Variants in ABCA9 observed in about 807,000 individuals in gnomAD.
The protein encoded by ABCA9 is ATP-binding cassette sub-family A member 9.
A neutral mutation model predicts 205.3 loss-of-function variants in ABCA9; 183 were observed. The ratio of observed to expected loss-of-function variants is 0.89; its 90% CI spans 0.79 to 1.01. The LOEUF is 1.01. Ranked by LOEUF, ABCA9 falls within the 50% of genes least tolerant of loss-of-function variation. ABCA9 has a pLI of 0.00. For missense variants in ABCA9, 1,805 were observed against 1,912.4 expected (o/e 0.94, Z 1.05); for synonymous variants, 651 against 683.3 (o/e 0.95, Z 0.74).
chr17:69,006,557 T>A (rs1393480324), intron 25 of ABCA9, among the ~76,000 whole-genome samples: 3 of 152,242 alleles, frequency 2.0e-5, no homozygotes, highest in Admixed American at 6.5e-5. Flanking sequence ...TTCTACATGA[T>A]TCCATTTTTA....
intron 1 of ABCA9, among the ~76,000 whole-genome samples, chr17:69,052,378 A>G (rs1378832452): frequency 6.6e-6 from 1 of 152,176 alleles, no homozygotes; most frequent in Non-Finnish European, 1.5e-5. Context: ...CTGTCTCAAA[A>G]ACAAATAGAA....
Position 69,008,229 on chromosome 17 carries a change from C to CT in ABCA9, c.3153dup (p.Ala1052SerfsTer42), listed in dbSNP as rs775058588. On this transcript the variant is annotated frameshift_variant, in exon 24 of 39. Transcript: ENST00000340001. LOFTEE classifies it high-confidence loss of function. ...CCTGAAATCCGTAGCTGGGAATGAG[C>CT]TTTTTTCTGATAAAGAAATAGAAGA... 1.7e-5 allele frequency: 27 copies of CT among 1,611,386 alleles called. No individual in the cohort carries two copies. Among genetic ancestry groups the CT allele is most frequent in the South Asian group, 2.2e-5 (2 of 90,314 alleles).
At position 69,051,091 on chromosome 17, in the gene ABCA9, T is replaced by A; in HGVS notation, c.36A>T (p.Thr12=). 5 of 1,613,760 alleles carry A rather than the reference T, an allele frequency of 3.1e-6. No homozygotes were observed. Among genetic ancestry groups the A allele is most frequent in the South Asian group, 1.1e-5 (1 of 91,050 alleles). The change falls in exon 2 of 39, where the codon ACA becomes ACT. Residue 12 remains threonine (T), a synonymous_variant. Coordinates refer to ENST00000340001, the MANE Select transcript of ABCA9 (RefSeq NM_080283.4). ...GACAGTTCTTGCAGAGAAGAGCCCA[T>A]GTTTGCTGACCCACGCTCATGCGTC... The part of the protein sequence containing the change: ...SKRRMSVGQQ[T]WALLCKNCLK...
At chr17:69,062,887 A>G (rs1301012701), upstream of ABCA9, among the ~76,000 whole-genome samples, 1 of 150,212 alleles carries the variant, frequency 6.7e-6, no homozygotes, top group Non-Finnish European at 1.5e-5. Flanking sequence ...CAAAAATGAA[A>G]TGACACTGAT....
chr17:69,077,089 G>A, the ABCA9 span, among the ~76,000 whole-genome samples: 1 of 151,886 alleles, frequency 6.6e-6, no homozygotes, highest in Non-Finnish European at 1.5e-5. Flanking sequence ...AGTTCCACCA[G>A]GTGTTATGTT....
chr17:68,989,835 A>G lies in ABCA9; in HGVS notation c.3933T>C (p.Asn1311=), dbSNP rs1306668184. 1 of 1,601,730 alleles carries G rather than the reference A, an allele frequency of 6.2e-7. No individual in the cohort carries two copies. The highest frequency in any genetic ancestry group is 8.6e-7 in the Non-Finnish European group (1 of 1,169,098). The change falls in exon 30 of 39, where the codon AAT becomes AAC. Residue 1311 remains asparagine, a synonymous_variant. Transcript: ENST00000340001. ...SKRKKKIATR[N]VSFCVKKGEV... The stretch of plus-strand genomic sequence containing the variant: ...AACCTTTTTTAACACAAAAAGAGAC[A>G]TTTCTTGTGGCAATTTTTTTCTTCC...
At chr17:69,057,427 AAGAG>A (rs147825600) in intron 1 of ABCA9, among the ~76,000 whole-genome samples, 3 of 151,396 alleles carry the variant, frequency 2.0e-5, no homozygotes. Context: ...ACAAGAGTGA[AAGAG>A]AGAGAGAGAG....
intron 25 of ABCA9, among the ~76,000 whole-genome samples, chr17:68,999,158 G>A (rs1440593117): frequency 6.7e-6 from 1 of 150,000 alleles, no homozygotes; most frequent in East Asian, 1.9e-4. Context: ...TAAGTTTTAG[G>A]GTACATGTGC....
rs183911235 is a variant in ABCA9, at chr17:69,040,870, A to G, written c.800+2619T>C. On this transcript the variant is annotated intron_variant, in intron 6 of 38. Transcript: ENST00000340001. Reference sequence around the variant, plus strand: ...TACAGACATATAGACGAATATGAAGATATCTTTTCCCTTACTATCAATGCC... The same window carrying G: ...TACAGACATATAGACGAATATGAAGGTATCTTTTCCCTTACTATCAATGCC... Among the ~76,000 whole-genome samples, 6 of 152,324 alleles carry G rather than the reference A, an allele frequency of 3.9e-5. 1 individual carries two copies. The highest frequency in any genetic ancestry group is 3.3e-4 in the Admixed American group (5 of 15,288).
chr17:69,039,086 A>C (rs913881163), intron 6 of ABCA9, among the ~76,000 whole-genome samples: 1 of 152,228 alleles, frequency 6.6e-6, no homozygotes, highest in Non-Finnish European at 1.5e-5. Flanking sequence ...ATGGAAAAAC[A>C]TTCCATGCTC....
chr17:69,014,274 A>C (rs1026710470), intron 22 of ABCA9, among the ~76,000 whole-genome samples: 6 of 152,188 alleles, frequency 3.9e-5, no homozygotes, highest in African/African-American at 1.4e-4. Context: ...GAAGGGTCAC[A>C]TTCAAAACAT....
At chr17:69,050,764 TATGGCTTTATTTTTCA>T (rs2071877166) in intron 2 of ABCA9, among the ~76,000 whole-genome samples, 1 of 152,154 alleles carries the variant, frequency 6.6e-6, no homozygotes. Context: ...AGTATAAAGA[TATGGCTTTATTTTTCA>T]AGGAGTTTCT....
chr17:69,075,628 GTT>G, the ABCA9 span, among the ~76,000 whole-genome samples: 1 of 152,102 alleles, frequency 6.6e-6, no homozygotes, highest in Non-Finnish European at 1.5e-5. Context: ...GTATCATGCT[GTT>G]TTGGTTACTG....
Position 68,976,170 on chromosome 17 carries a change from C to T in ABCA9, c.4741G>A (p.Glu1581Lys), listed in dbSNP as rs1191512100. The T allele has an allele frequency of 6.2e-7, 1 of 1,613,976 alleles. No individual in the cohort carries two copies. Among genetic ancestry groups the T allele is most frequent in the Admixed American group, 1.7e-5 (1 of 60,008 alleles). The change falls in exon 38 of 39, where the codon GAG becomes AAG. Residue 1581 changes from glutamate (E) to lysine (K), a missense_variant. Physicochemically the swap from Glu to Lys is moderately conservative, Grantham distance 56 (BLOSUM62 1). Coordinates refer to ENST00000340001, the MANE Select transcript of ABCA9 (RefSeq NM_080283.4). Reference protein sequence around the residue: ...LEIVKQSFDLEEYSLSQSTLE... With the variant: ...LEIVKQSFDLKEYSLSQSTLE... ...GTAGACTGTGAGAGGCTGTACTCCTCCAGGTCGAAACTCTGTTTAACTGCA... is the reference window on the plus strand; with the variant it reads ...GTAGACTGTGAGAGGCTGTACTCCTTCAGGTCGAAACTCTGTTTAACTGCA...
intron 37 of ABCA9, among the ~76,000 whole-genome samples, chr17:68,979,027 T>C (rs2068963635): frequency 6.6e-6 from 1 of 152,044 alleles, no homozygotes; most frequent in East Asian, 1.9e-4. Context: ...TGATTGTATA[T>C]CTAGAAAACC....
rs1455091157 is a variant in ABCA9, at chr17:68,976,176, C to T, written c.4735G>A (p.Asp1579Asn). Reference sequence around the variant, plus strand: ...TGTGAGAGGCTGTACTCCTCCAGGTCGAAACTCTGTTTAACTGCATAAGAA... The same window carrying T: ...TGTGAGAGGCTGTACTCCTCCAGGTTGAAACTCTGTTTAACTGCATAAGAA... ...FKLEIVKQSFDLEEYSLSQST... is the reference protein window; with the variant it reads ...FKLEIVKQSFNLEEYSLSQST... Residue 1579 changes from aspartate to asparagine, a missense_variant, in exon 38 of 39, where the codon GAC becomes AAC. By Grantham distance (23) the Asp-to-Asn change is conservative (BLOSUM62 1). Transcript: ENST00000340001. 7.4e-6 allele frequency: 12 copies of T among 1,613,558 alleles called. No individual in the cohort carries two copies. The highest frequency in any genetic ancestry group is 1.7e-5 in the Admixed American group (1 of 59,980).
intron 37 of ABCA9, among the ~76,000 whole-genome samples, chr17:68,977,549 C>G (rs982766043): frequency 6.6e-6 from 1 of 152,184 alleles, no homozygotes; most frequent in Non-Finnish European, 1.5e-5. Flanking sequence ...TATAGGTCTT[C>G]AAATTCGAAG....
chr17:69,024,065 T>A (rs2070905737), intron 17 of ABCA9, 149 bp downstream of exon 17: 1 of 823,844 alleles, frequency 1.2e-6, no homozygotes, highest in Admixed American at 2.8e-5. Flanking sequence ...GGTAATATTA[T>A]AAGTGACCTT....
At chr17:69,042,569 A>T (rs1361204392) in intron 6 of ABCA9, 1 of 152,208 alleles carries the variant, frequency 6.6e-6, no homozygotes, top group Non-Finnish European at 1.5e-5. Context: ...CATTCCTAAC[A>T]TAAGGTATCT....
Sources: gnomAD v4.1 joint callset for allele counts (sites outside exome capture counted in the v4.1 genomes callset) on GRCh38, gnomAD v4.1.1 for gene constraint, MANE v1.5 for transcripts, NCBI Gene and HGNC (gene_info 2026-07-23, HGNC 2026-07-21) for gene names.